Variants in DDX42 observed in about 807,000 individuals in gnomAD.
The protein encoded by DDX42 is DEAD-box helicase 42.
DDX42 carries 22 observed loss-of-function variants against 101.5 expected under a neutral mutation model. The observed-to-expected ratio is 0.22, with a 90% CI of 0.15 to 0.31. The LOEUF is 0.31. Among genes scored for constraint, DDX42 ranks in the 10% least tolerant of loss-of-function variants. The probability of loss-of-function intolerance (pLI) is 1.00; values close to 1 mark genes in which losing one functional copy is unlikely to be tolerated. For synonymous variants in DDX42, 402 were observed against 401.2 expected, an observed-to-expected ratio of 1.00 and a Z score of -0.02; for missense variants, 849 against 1,199.9, an observed-to-expected ratio of 0.71 and a Z score of 4.32.
rs2040006095 is a variant in DDX42, at chr17:63,818,347, C to T, written c.2766C>T (p.Gly922=). 1 of 1,613,942 alleles carries T rather than the reference C, an allele frequency of 6.2e-7. No individual in the cohort carries two copies. Among genetic ancestry groups the T allele is most frequent in the African/African-American group, 1.3e-5 (1 of 74,934 alleles). Residue 922 remains glycine (G), a synonymous_variant, in exon 18 of 18, where the codon GGC becomes GGT. Coordinates refer to ENST00000389924, the MANE Select transcript of DDX42 (RefSeq NM_203499.3). ...VDSKTDKTAD[G]FAVPEPPKRK... ...GCAAGACAGATAAGACAGCTGACGG[C>T]TTTGCTGTCCCAGAGCCGCCTAAAC...
chr17:63,818,451 T>C lies in DDX42; in HGVS notation c.*53T>C. 6.5e-7 allele frequency: 1 copy of C among 1,539,294 alleles called. No individual in the cohort carries two copies. Among genetic ancestry groups the C allele is most frequent in the Non-Finnish European group, 8.8e-7 (1 of 1,142,490 alleles). ...TTGTCCTTAATTTTTAGAAAGATTT[T>C]GGTAACTAGGTGTCTCAGGGCTGGG... On this transcript the variant is annotated 3_prime_UTR_variant, in exon 18 of 18. Transcript: ENST00000389924.
rs1423762808 is a variant in DDX42 at position 63,800,597 on chromosome 17, C to T, written c.601C>T (p.Pro201Ser). The change falls in exon 6 of 18, where the codon CCC becomes TCC. Residue 201 changes from proline to serine, a missense_variant. This residue lies in a region of DDX42 where 370 missense variants were observed against 608.8 expected (regional missense o/e 0.61). Coordinates refer to ENST00000389924, the MANE Select transcript of DDX42 (RefSeq NM_203499.3). ...TACCAAAAAAATCATTGATCCTCTTCCCCCCATTGATCATTCAGAGGTATG... is the reference window on the plus strand; with the variant it reads ...TACCAAAAAAATCATTGATCCTCTTTCCCCCATTGATCATTCAGAGGTATG... ...APTKKIIDPL[P>S]PIDHSEIDYP... 3.1e-6 allele frequency: 5 copies of T among 1,613,838 alleles called. No homozygotes were observed. The highest frequency in any genetic ancestry group is 4.2e-6 in the Non-Finnish European group (5 of 1,179,912).
chr17:63,812,124 G>A lies in DDX42; in HGVS notation c.1591G>A (p.Asp531Asn). The A allele has an allele frequency of 6.2e-7, 1 of 1,614,218 alleles. No individual in the cohort carries two copies. The highest frequency in any genetic ancestry group is 8.5e-7 in the Non-Finnish European group (1 of 1,180,030). Residue 531 changes from aspartate (D) to asparagine (N), a missense_variant, in exon 14 of 18, where the codon GAT (aspartate) becomes AAT (asparagine). Transcript: ENST00000389924. The stretch of plus-strand genomic sequence containing the variant: ...TCATAATCTTGGGCTGCTCCATGGG[G>A]ATATGGATCAGAGTGAGAGAAACAA... ...EGHNLGLLHG[D>N]MDQSERNKVI...
intron 15 of DDX42, among the ~76,000 whole-genome samples, chr17:63,814,227 T>A (rs2039948068): frequency 6.6e-6 from 1 of 152,200 alleles, no homozygotes; most frequent in Non-Finnish European, 1.5e-5. Context: ...TGTGCTCCAA[T>A]CTAAAGCTAA....
chr17:63,792,509 G>A lies in DDX42; in HGVS notation c.319G>A (p.Val107Ile). 2 of 1,613,880 alleles carry A rather than the reference G, an allele frequency of 1.2e-6. No homozygotes were observed. The change falls in exon 3 of 18, where the codon GTA becomes ATA. Residue 107 changes from valine to isoleucine, a missense_variant. Val to Ile is a conservative substitution (Grantham distance 29, BLOSUM62 3). Around this residue, in one of 5 missense-constraint regions of DDX42, gnomAD observed 370 missense variants for 608.8 expected, o/e 0.61. Transcript: ENST00000389924. ...TCGCCAGCAATTCCATTCCAAGCCA[G>A]TAGATTCTGACAGCGATGATGATCC... is the stretch of plus-strand genomic sequence containing the variant. ...PTRQQFHSKPVDSDSDDDPLE... is the reference protein window; with the variant it reads ...PTRQQFHSKPIDSDSDDDPLE...
intron 14 of DDX42, 62 bp from the exon 15 acceptor site, chr17:63,813,166 G>A (rs1186854952): frequency 6.9e-7 from 1 of 1,459,002 alleles, no homozygotes; most frequent in African/African-American, 1.4e-5. Context: ...TAGCATTTCT[G>A]GTTACTTTGA....
In DDX42 at chr17:63,779,275, T is replaced by G. The variant is rs189285554; in HGVS notation, c.-17+4899T>G. Among the ~76,000 whole-genome samples, 318 of 152,218 alleles carry G rather than the reference T, an allele frequency of 2.1e-3. 1 individual carries two copies. Among genetic ancestry groups the G allele is most frequent in the African/African-American group, 7.3e-3 (302 of 41,522 alleles). On this transcript the variant is annotated intron_variant, in intron 1 of 17. Coordinates refer to ENST00000389924, the MANE Select transcript of DDX42 (RefSeq NM_203499.3). The stretch of plus-strand genomic sequence containing the variant: ...GTTTTTTTTGTTTGTTTTGGTTTTG[T>G]TTTTTTGAGACGCAGTCTCACTCTG...
chr17:63,812,431 C>T (rs1255695191), intron 14 of DDX42, among the ~76,000 whole-genome samples: 1 of 152,112 alleles, frequency 6.6e-6, no homozygotes, highest in East Asian at 1.9e-4. Context: ...TCAAAGAATC[C>T]CTGCAGCTAG....
At position 63,819,174 on chromosome 17, in the gene DDX42, C is replaced by T. The variant is rs968036894; in HGVS notation, c.*776C>T. 13 of 152,462 alleles carry T rather than the reference C, an allele frequency of 8.5e-5. No homozygotes were observed. The highest frequency in any genetic ancestry group is 3.1e-4 in the African/African-American group (13 of 41,396). The allele number at this position is 152,462 out of a possible 1,614,324, so 9.4% of individuals were successfully genotyped here. ...GCCCCAATGATAGAAAAGTCTTTTG[C>T]TGAAATGATTTTGATGATTTTTGTT... On this transcript the variant is annotated 3_prime_UTR_variant, in exon 18 of 18. Coordinates refer to ENST00000389924, the MANE Select transcript of DDX42 (RefSeq NM_203499.3).
chr17:63,785,044 C>G (rs569571957), intron 1 of DDX42, among the ~76,000 whole-genome samples: 2 of 152,246 alleles, frequency 1.3e-5, no homozygotes, highest in South Asian at 4.1e-4. Flanking sequence ...TGTATATACA[C>G]ATATGCATAC....
Position 63,808,200 on chromosome 17 carries a change from CAG to C in DDX42, c.1023+303_1023+304del, listed in dbSNP as rs374266867. Among the ~76,000 whole-genome samples, 38 of 152,186 alleles carry C rather than the reference CAG, an allele frequency of 2.5e-4. No individual in the cohort carries two copies. In the East Asian group the frequency reaches 4.4e-3, roughly 18 times the overall value. ...TTTTATTTATTTGCTTTTTTTGAGA[CAG>C]AGTCTCACTCTTTTGCCCAGGCTGG... On this transcript the variant is annotated intron_variant, in intron 9 of 17. Coordinates refer to ENST00000389924, the MANE Select transcript of DDX42 (RefSeq NM_203499.3).
At chr17:63,810,613 T>C (rs544949782) in intron 12 of DDX42, 53 bp downstream of exon 12, 3 of 1,541,052 alleles carry the variant, frequency 1.9e-6, no homozygotes, top group Admixed American at 1.7e-5. Flanking sequence ...AGGGCACTTA[T>C]TTATTTTATA....
intron 1 of DDX42, among the ~76,000 whole-genome samples, chr17:63,782,413 T>A (rs116584958): frequency 0.062 from 9,493 of 152,198 alleles, 413 homozygotes; most frequent in Admixed American, 0.11. Context: ...CTCTCTGCAG[T>A]TACTGCCCCT....
intron 3 of DDX42, among the ~76,000 whole-genome samples, chr17:63,793,959 C>T (rs913398806): frequency 6.6e-6 from 1 of 151,718 alleles, no homozygotes; most frequent in Non-Finnish European, 1.5e-5. Flanking sequence ...CTTAATGTGG[C>T]AGACCTGGAA....
chr17:63,813,131 T>TA (rs781379020), intron 14 of DDX42, 97 bp from the exon 15 acceptor site: 4 of 1,167,424 alleles, frequency 3.4e-6, no homozygotes, highest in Non-Finnish European at 4.8e-6. Context: ...TTTGCCTAGA[T>TA]AAAGGAAATG....
intron 2 of DDX42, among the ~76,000 whole-genome samples, chr17:63,789,546 C>CGTTTTTTTTTTTTTTTTTTTTTTTT (rs138224520): frequency 8.2e-6 from 1 of 121,850 alleles, no homozygotes; most frequent in African/African-American, 3.4e-5. Flanking sequence ...TTCTAAAAGA[C>CGTTTTTTTTTTTTTTTTTTTTTTTT]TTTTTTGTTT....
chr17:63,813,757 C>T (rs1263954978), intron 15 of DDX42, among the ~76,000 whole-genome samples: 1 of 152,198 alleles, frequency 6.6e-6, no homozygotes. Context: ...ATTCTCCTTA[C>T]TGCTCTTCCC....
intron 6 of DDX42, among the ~76,000 whole-genome samples, chr17:63,804,596 C>T (rs1236503396): frequency 6.6e-6 from 1 of 152,162 alleles, no homozygotes; most frequent in Non-Finnish European, 1.5e-5. Context: ...TCTTCTCTGT[C>T]CTCTGAGGTC....
At chr17:63,808,648 A>G (rs1054447650) in intron 9 of DDX42, among the ~76,000 whole-genome samples, 172 bp from the exon 10 acceptor site, 1 of 152,216 alleles carries the variant, frequency 6.6e-6, no homozygotes, top group Non-Finnish European at 1.5e-5. Context: ...GTTGAGATGC[A>G]ATAATGGTAT....
Sources: gnomAD v4.1 joint callset for allele counts (sites outside exome capture counted in the v4.1 genomes callset) on GRCh38, gnomAD v4.1.1 for gene constraint, gnomAD v4.1.1 regional missense constraint, MANE v1.5 for transcripts, NCBI Gene and HGNC (gene_info 2026-07-23, HGNC 2026-07-21) for gene names.